LDLRAD4: variants seen among roughly 807,000 people sequenced by gnomAD.
LDLRAD4 encodes low density lipoprotein receptor class A domain containing 4.
Under a neutral mutation model 17.0 loss-of-function variants are expected in LDLRAD4, and 5 were observed. That is an observed-to-expected ratio of 0.29 (90% CI 0.15 to 0.62). LDLRAD4 has a LOEUF of 0.62. Among genes scored for constraint, LDLRAD4 ranks in the 20% least tolerant of loss-of-function variants. The pLI is 0.84. For missense variants in LDLRAD4, 340 were observed against 424.7 expected (o/e 0.80, Z 1.75); for synonymous variants, 168 against 171.8 (o/e 0.98, Z 0.17).
chr18:13,596,734 G>A (rs541069672), intron 3 of LDLRAD4, among the ~76,000 whole-genome samples: 1 of 152,114 alleles, frequency 6.6e-6, no homozygotes, highest in African/African-American at 2.4e-5. Flanking sequence ...TCTTGTATTA[G>A]CCTTCTAATT....
intron 1 of LDLRAD4, among the ~76,000 whole-genome samples, chr18:13,298,985 G>A (rs535318746): frequency 6.6e-6 from 1 of 152,232 alleles, no homozygotes; most frequent in Non-Finnish European, 1.5e-5. Flanking sequence ...AAAAGGGAGT[G>A]CTTAACTTAG....
intron 2 of LDLRAD4, among the ~76,000 whole-genome samples, chr18:13,422,182 T>A (rs997179070): frequency 1.3e-5 from 2 of 152,226 alleles, no homozygotes; most frequent in Non-Finnish European, 2.9e-5. Flanking sequence ...TTCATGATTA[T>A]GGAGCAAGAA....
intron 2 of LDLRAD4, among the ~76,000 whole-genome samples, chr18:13,406,035 T>C (rs377152777): frequency 6.6e-6 from 1 of 152,278 alleles, no homozygotes; most frequent in Non-Finnish European, 1.5e-5. Context: ...ATCACATTTC[T>C]TGATGGCCGA....
intron 3 of LDLRAD4, among the ~76,000 whole-genome samples, chr18:13,529,806 G>GT (rs1463094517): frequency 1.3e-5 from 2 of 152,238 alleles, no homozygotes; most frequent in Admixed American, 6.5e-5. Context: ...CACATAGGCT[G>GT]TCCACAGAGT....
rs1003295658 is a variant in LDLRAD4 at position 13,578,827 on chromosome 18, CTTTTTTTTTTTTT to C, written c.182-42274_182-42262del. Among the ~76,000 whole-genome samples the C allele has an allele frequency of 9.8e-3, 641 of 65,728 alleles. 32 individuals are homozygous for C. The highest frequency in any genetic ancestry group is 0.037 in the African/African-American group (604 of 16,194). 43.1% of individuals were successfully genotyped at this position (65,728 alleles called of 152,430 possible). A position where few individuals can be genotyped will look rare whatever the true frequency, so the allele number is the denominator to read the frequency against. On this transcript the variant is annotated intron_variant, in intron 3 of 5. Transcript: ENST00000359446. ...TGACCCATTTAAAAGTTGTCCGGGT[CTTTTTTTTTTTTT>C]TTTTTTTTTTTTTTTGTCAGAGATC... is the stretch of plus-strand genomic sequence containing the variant.
At chr18:13,652,434 AC>A (rs2043284659) in exon 6 of LDLRAD4, 1 of 152,554 alleles carries the variant, frequency 6.6e-6, no homozygotes. Flanking sequence ...AAAAAGTACA[AC>A]TGTATTTGAA....
intron 1 of LDLRAD4, among the ~76,000 whole-genome samples, chr18:13,308,715 T>A (rs908507853): frequency 6.6e-6 from 1 of 152,278 alleles, no homozygotes; most frequent in African/African-American, 2.4e-5. Flanking sequence ...TTGAACTTTC[T>A]CTCTTGGATT....
chr18:13,608,840 G>A (rs562285649), intron 3 of LDLRAD4, among the ~76,000 whole-genome samples: 2 of 152,296 alleles, frequency 1.3e-5, no homozygotes, highest in African/African-American at 4.8e-5. Context: ...GTAAATATTT[G>A]TCAGATGGAT....
intron 3 of LDLRAD4, among the ~76,000 whole-genome samples, chr18:13,446,180 T>G (rs942045073): frequency 6.6e-6 from 1 of 152,150 alleles, no homozygotes. Flanking sequence ...AAAAGCACCC[T>G]AGAAAGGTCA....
At chr18:13,304,234 C>T (rs964627247) in intron 1 of LDLRAD4, among the ~76,000 whole-genome samples, 6 of 152,194 alleles carry the variant, frequency 3.9e-5, no homozygotes, top group Admixed American at 3.9e-4. Flanking sequence ...TAGAGGTCTC[C>T]ACCTCTCAGC....
intron 1 of LDLRAD4, among the ~76,000 whole-genome samples, chr18:13,329,455 TTA>T (rs1178267963): frequency 1.3e-5 from 2 of 152,262 alleles, no homozygotes; most frequent in African/African-American, 4.8e-5. Flanking sequence ...TCATTTTCTT[TTA>T]CTGTCTGGTC....
At chr18:13,431,694 A>AT (rs1394774005) in intron 2 of LDLRAD4, among the ~76,000 whole-genome samples, 1 of 152,164 alleles carries the variant, frequency 6.6e-6, no homozygotes, top group Non-Finnish European at 1.5e-5. Flanking sequence ...GTTTTTAAAC[A>AT]TTTTTTATTA....
chr18:13,262,319 GAA>G (rs1186758206), intron 1 of LDLRAD4, among the ~76,000 whole-genome samples: 4 of 136,582 alleles, frequency 2.9e-5, no homozygotes, highest in African/African-American at 9.7e-5. Context: ...TGTGTGTGTG[GAA>G]ACTGAGTCCC....
At position 13,450,838 on chromosome 18, in the gene LDLRAD4, G is replaced by A. The variant is rs527804183; in HGVS notation, c.181+12454G>A. 4.6e-5 allele frequency among the ~76,000 whole-genome samples: 7 copies of A among 152,268 alleles called. 1 individual carries two copies. In the South Asian group the frequency reaches 1.0e-3, roughly 23 times the overall value. On this transcript the variant is annotated intron_variant, in intron 3 of 5. Coordinates refer to ENST00000359446, the Ensembl canonical transcript of LDLRAD4. ...TTCAGGGGGAGTGTCGTGGGGAGACGCCTGGGCAGGGATGCCACATAGGCT... is the reference window on the plus strand; with the variant it reads ...TTCAGGGGGAGTGTCGTGGGGAGACACCTGGGCAGGGATGCCACATAGGCT...
chr18:13,439,062 G>T (rs904927991), intron 3 of LDLRAD4, among the ~76,000 whole-genome samples: 4 of 152,208 alleles, frequency 2.6e-5, no homozygotes, highest in African/African-American at 9.6e-5. Flanking sequence ...GGGGGTTGAG[G>T]CTGAGGATCT....
chr18:13,371,252 G>T (rs1206887182), intron 1 of LDLRAD4, among the ~76,000 whole-genome samples: 2 of 152,148 alleles, frequency 1.3e-5, no homozygotes, highest in African/African-American at 4.8e-5. Flanking sequence ...GAGATGGGGG[G>T]GCCAGGGCTG....
At chr18:13,338,217 GT>G (rs1283073545) in intron 1 of LDLRAD4, among the ~76,000 whole-genome samples, 1 of 152,088 alleles carries the variant, frequency 6.6e-6, no homozygotes, top group African/African-American at 2.4e-5. Flanking sequence ...CATCCACCAT[GT>G]TTCCTTTCTA....
intron 1 of LDLRAD4, among the ~76,000 whole-genome samples, chr18:13,235,660 T>C (rs1431688456): frequency 2.0e-5 from 3 of 152,214 alleles, no homozygotes. Context: ...TTTTAGCCTG[T>C]GTAATAGACC....
intron 2 of LDLRAD4, among the ~76,000 whole-genome samples, chr18:13,425,041 C>T (rs2089815383): frequency 6.6e-6 from 1 of 152,202 alleles, no homozygotes; most frequent in African/African-American, 2.4e-5. Flanking sequence ...ATTTTTGAGA[C>T]TGTATTACAT....
Sources: gnomAD v4.1 joint callset for allele counts (sites outside exome capture counted in the v4.1 genomes callset) on GRCh38, gnomAD v4.1.1 for gene constraint, MANE v1.5 for transcripts, NCBI Gene and HGNC (gene_info 2026-07-23, HGNC 2026-07-21) for gene names.